CCDC34: variants seen among roughly 807,000 people sequenced by gnomAD.
The protein encoded by CCDC34 is coiled-coil domain-containing protein 34.
CCDC34 carries 40 observed loss-of-function variants against 44.1 expected under a neutral mutation model. The observed-to-expected ratio is 0.91, with a 90% CI of 0.70 to 1.18. The LOEUF (loss-of-function observed/expected upper bound fraction) is 1.18. Ranked by LOEUF, CCDC34 falls within the 50% of genes most tolerant of loss-of-function variation. The pLI, the probability that CCDC34 is intolerant of heterozygous loss-of-function variation, is 0.00. For synonymous variants in CCDC34, 159 were observed against 158.2 expected, an observed-to-expected ratio of 1.01 and a Z score of -0.04; for missense variants, 466 against 452.3, an observed-to-expected ratio of 1.03 and a Z score of -0.28.
chr11:27,351,475 G>A (rs574659881), intron 2 of CCDC34, among the ~76,000 whole-genome samples: 2 of 152,212 alleles, frequency 1.3e-5, no homozygotes, highest in South Asian at 4.1e-4. Context: ...GAAGATAGCC[G>A]CCCTCACTCA....
At chr11:27,352,181 G>A (rs539982506) in intron 2 of CCDC34, among the ~76,000 whole-genome samples, 39 of 152,180 alleles carry the variant, frequency 2.6e-4, no homozygotes, top group Middle Eastern at 3.4e-3. Flanking sequence ...TCAAGGGTTC[G>A]AGACCAGCCT....
intron 2 of CCDC34, among the ~76,000 whole-genome samples, chr11:27,356,297 T>C (rs1170502087): frequency 1.3e-5 from 2 of 151,884 alleles, no homozygotes; most frequent in Non-Finnish European, 2.9e-5. Context: ...ATTACAGGTG[T>C]GAGCCGCCAT....
At chr11:27,352,068 T>C (rs1033064997) in intron 2 of CCDC34, among the ~76,000 whole-genome samples, 1 of 152,032 alleles carries the variant, frequency 6.6e-6, no homozygotes, top group Non-Finnish European at 1.5e-5. Flanking sequence ...CCATAGTATA[T>C]GAGTTATAAG....
chr11:27,355,169 A>C (rs1413464179), intron 2 of CCDC34, among the ~76,000 whole-genome samples: 1 of 152,200 alleles, frequency 6.6e-6, no homozygotes, highest in Non-Finnish European at 1.5e-5. Flanking sequence ...CAATACCAGA[A>C]ATTGAATTTT....
At chr11:27,349,580 C>T (rs1862477053) in intron 3 of CCDC34, 2 of 976,068 alleles carry the variant, frequency 2.0e-6, no homozygotes, top group Non-Finnish European at 2.4e-6. Context: ...AGCAGTACCA[C>T]TCTAAATATG....
In CCDC34 at chr11:27,362,942, C is replaced by T. The variant is rs1351167205; in HGVS notation, c.253G>A (p.Glu85Lys). The change falls in exon 1 of 6, where the codon GAG becomes AAG. Residue 85 changes from glutamate (E) to lysine (K), a missense_variant. Coordinates refer to ENST00000328697, the MANE Select transcript of CCDC34 (RefSeq NM_030771.2). Reference sequence around the variant, plus strand: ...TCATCATCCACGTCTTCCTCATCCTCCCCGTCACCGTCGTCCTCGTCAAAC... The same window carrying T: ...TCATCATCCACGTCTTCCTCATCCTTCCCGTCACCGTCGTCCTCGTCAAAC... ...FQFDEDDGDG[E>K]DEEDVDDEED... The T allele has an allele frequency of 6.2e-7, 1 of 1,614,170 alleles. No homozygotes were observed. The highest frequency in any genetic ancestry group is 2.2e-5 in the East Asian group (1 of 44,874).
chr11:27,355,078 T>C (rs780818822), intron 2 of CCDC34, among the ~76,000 whole-genome samples: 2 of 152,176 alleles, frequency 1.3e-5, no homozygotes, highest in African/African-American at 2.4e-5. Context: ...CTTCTCTCTG[T>C]ACACTGACTA....
At chr11:27,358,251 G>A (rs1474481427) in intron 1 of CCDC34, among the ~76,000 whole-genome samples, 1 of 152,078 alleles carries the variant, frequency 6.6e-6, no homozygotes, top group Admixed American at 6.6e-5. Context: ...ACAATTCAGG[G>A]TAAAGAGAAG....
chr11:27,356,582 A>G (rs1862579433), intron 2 of CCDC34, among the ~76,000 whole-genome samples: 1 of 151,842 alleles, frequency 6.6e-6, no homozygotes, highest in Non-Finnish European at 1.5e-5. Context: ...TAGTCTAGAT[A>G]GTGGGTTTAG....
chr11:27,348,218 C>A (rs1862459359), intron 3 of CCDC34, among the ~76,000 whole-genome samples: 1 of 152,108 alleles, frequency 6.6e-6, no homozygotes, highest in Non-Finnish European at 1.5e-5. Flanking sequence ...TAGTGCCTCG[C>A]ACACAGTAAA....
At chr11:27,360,396 C>T (rs2291024) in intron 1 of CCDC34, among the ~76,000 whole-genome samples, 1 of 152,052 alleles carries the variant, frequency 6.6e-6, no homozygotes, top group African/African-American at 2.4e-5. Flanking sequence ...CCAAAAATAC[C>T]TTGAGGTAAT....
Position 27,338,873 on chromosome 11 carries a change from T to C in CCDC34, c.1070A>G (p.His357Arg). Reference sequence around the variant, plus strand: ...AAGGCAAAGATTGCTCCTGGCTTTATGAATTACCAGAGATGATGACTTGTG... The same window carrying C: ...AAGGCAAAGATTGCTCCTGGCTTTACGAATTACCAGAGATGATGACTTGTG... ...QPHKSSSLVI[H>R]KARSNLCLGT... Residue 357 changes from histidine (H) to arginine (R), a missense_variant, in exon 6 of 6, where the codon CAT becomes CGT. His to Arg is a conservative substitution (Grantham distance 29). Transcript: ENST00000328697. 1 of 1,613,956 alleles carries C rather than the reference T, an allele frequency of 6.2e-7. No homozygotes were observed. The highest frequency in any genetic ancestry group is 2.2e-5 in the East Asian group (1 of 44,826).
chr11:27,356,036 TAGA>T (rs1862571386), intron 2 of CCDC34, among the ~76,000 whole-genome samples: 1 of 140,414 alleles, frequency 7.1e-6, no homozygotes, highest in African/African-American at 2.8e-5. Context: ...TTTTTTTTTT[TAGA>T]CAGAGTTTTG....
rs71050907 is a variant in CCDC34, at chr11:27,358,958, ACC to A, written c.360-1419_360-1418del. On this transcript the variant is annotated intron_variant, in intron 1 of 5. Coordinates refer to ENST00000328697, the MANE Select transcript of CCDC34 (RefSeq NM_030771.2). Reference sequence around the variant, plus strand: ...CCACCTGCTCCTTGTCAACATGTGGACCCCCCCCCCCCACCGCCACCACCTCC... The same window carrying A: ...CCACCTGCTCCTTGTCAACATGTGGACCCCCCCCCCACCGCCACCACCTCC... 5.6e-3 allele frequency among the ~76,000 whole-genome samples: 496 copies of A among 88,162 alleles called. 9 individuals carry two copies. Among genetic ancestry groups the A allele is most frequent in the African/African-American group, 0.012 (281 of 24,120 alleles). The allele number at this position is 88,162 out of a possible 152,430, so 57.8% of individuals were successfully genotyped here.
chr11:27,362,573 A>G (rs923657540), intron 1 of CCDC34, among the ~76,000 whole-genome samples: 1 of 152,140 alleles, frequency 6.6e-6, no homozygotes, highest in Non-Finnish European at 1.5e-5. Flanking sequence ...TGTGTGTTTG[A>G]GACTATGTAC....
chr11:27,362,697 A>AC (rs1862683714), intron 1 of CCDC34, 139 bp downstream of exon 1: 12 of 991,964 alleles, frequency 1.2e-5, no homozygotes, highest in Admixed American at 7.2e-5. Context: ...TTTATGTGCA[A>AC]AAAAAACCAC....
intron 3 of CCDC34, among the ~76,000 whole-genome samples, chr11:27,342,799 A>T (rs1374971082): frequency 1.3e-5 from 2 of 152,208 alleles, no homozygotes; most frequent in African/African-American, 4.8e-5. Flanking sequence ...ACAGACTATA[A>T]CTCAATATTT....
chr11:27,349,623 G>A, intron 3 of CCDC34: 1 of 983,310 alleles, frequency 1.0e-6, no homozygotes, highest in Non-Finnish European at 1.2e-6. Context: ...ATTGACCACA[G>A]AATAAGTATT....
At chr11:27,351,587 A>G (rs1450701474) in intron 2 of CCDC34, among the ~76,000 whole-genome samples, 4 of 152,206 alleles carry the variant, frequency 2.6e-5, no homozygotes, top group African/African-American at 9.7e-5. Context: ...TGACTTACTC[A>G]GTATACTTTT....
Sources: allele counts gnomAD v4.1 joint callset (sites outside exome capture counted in the v4.1 genomes callset), GRCh38; gene constraint gnomAD v4.1.1; transcripts MANE v1.5; gene names NCBI Gene and HGNC (gene_info 2026-07-23, HGNC 2026-07-21).